The following CNBD1 variants were observed in gnomAD, a reference collection of about 807,000 sequenced individuals.
CNBD1 encodes the protein cyclic nucleotide binding domain containing 1.
CNBD1 carries 71 observed loss-of-function variants against 54.4 expected under a neutral mutation model. That is an observed-to-expected ratio of 1.30 (90% CI 1.08 to 1.59). The LOEUF is 1.59. Ranked by LOEUF, CNBD1 falls within the 40% of genes most tolerant of loss-of-function variation. The pLI is 0.00. For synonymous variants in CNBD1, 182 were observed against 170.7 expected (o/e 1.07, Z -0.51); for missense variants, 659 against 518.0 (o/e 1.27, Z -2.64).
chr8:86,878,688 C>A (rs1266327254), intron 1 of CNBD1, among the ~76,000 whole-genome samples: 1 of 152,282 alleles, frequency 6.6e-6, no homozygotes, highest in Non-Finnish European at 1.5e-5. Context: ...AACATCTTCC[C>A]ATTTCAAGTA....
intron 8 of CNBD1, among the ~76,000 whole-genome samples, chr8:87,331,558 G>A (rs1809832935): frequency 6.6e-6 from 1 of 152,066 alleles, no homozygotes; most frequent in Non-Finnish European, 1.5e-5. Context: ...AATGATTTCT[G>A]TCCCTCTGGT....
intron 4 of CNBD1, among the ~76,000 whole-genome samples, chr8:87,105,522 T>A (rs1299671689): frequency 1.3e-5 from 2 of 152,146 alleles, no homozygotes; most frequent in Non-Finnish European, 2.9e-5. Context: ...TTCACCAGGG[T>A]CTTCACAGCT....
intron 4 of CNBD1, among the ~76,000 whole-genome samples, chr8:87,108,072 C>T (rs923432955): frequency 1.3e-5 from 2 of 152,106 alleles, no homozygotes; most frequent in Non-Finnish European, 2.9e-5. Context: ...GAGGGATTCT[C>T]CTTCTCTCCA....
In CNBD1 at chr8:87,195,740, T is replaced by C. The variant is rs145857344; in HGVS notation, c.432-10253T>C. ...AGGTATGCACCACCACACCTGCTAA[T>C]TTTTGTATTGTTAGTGGCGACAGGG... On this transcript the variant is annotated intron_variant, in intron 4 of 10. Transcript: ENST00000518476. 3.9e-3 allele frequency among the ~76,000 whole-genome samples: 579 copies of C among 147,944 alleles called. 3 individuals carry two copies. Among genetic ancestry groups the C allele is most frequent in the African/African-American group, 0.014 (556 of 40,128 alleles).
At chr8:87,345,442 C>T (rs1810152733) in intron 8 of CNBD1, among the ~76,000 whole-genome samples, 1 of 152,052 alleles carries the variant, frequency 6.6e-6, no homozygotes, top group African/African-American at 2.4e-5. Context: ...GCCAGAAGTC[C>T]CCCAAGTATC....
intron 6 of CNBD1, among the ~76,000 whole-genome samples, chr8:87,275,739 A>G (rs575784342): frequency 2.5e-4 from 38 of 151,764 alleles, no homozygotes; most frequent in African/African-American, 6.0e-4. Context: ...TAGGCAGGAG[A>G]AGGAAATAAA....
At chr8:87,173,139 A>G (rs1404446875) in intron 4 of CNBD1, among the ~76,000 whole-genome samples, 1 of 152,178 alleles carries the variant, frequency 6.6e-6, no homozygotes, top group East Asian at 1.9e-4. Context: ...AAACATACAA[A>G]TTAACTATGA....
intron 6 of CNBD1, among the ~76,000 whole-genome samples, chr8:87,275,822 C>T (rs530148137): frequency 1.3e-3 from 201 of 151,644 alleles, no homozygotes; most frequent in South Asian, 0.01. Flanking sequence ...ATCTAGAAAA[C>T]CCCATTGTCT....
chr8:86,934,007 A>T (rs893497384), intron 3 of CNBD1, among the ~76,000 whole-genome samples: 3 of 152,160 alleles, frequency 2.0e-5, no homozygotes, highest in Admixed American at 2.0e-4. Flanking sequence ...ACTTGATAGG[A>T]TAAAAACATT....
intron 8 of CNBD1, among the ~76,000 whole-genome samples, chr8:87,294,540 A>C (rs1298401185): frequency 6.6e-6 from 1 of 152,186 alleles, no homozygotes; most frequent in Non-Finnish European, 1.5e-5. Context: ...TTGTGAGTGC[A>C]GGCCACTATT....
In CNBD1 at chr8:86,943,365, C is replaced by CAAA. The variant is rs1158061860; in HGVS notation, c.431+3634_431+3636dup. ...CTGGTGACAGAGCAAGACTCCATCT[C>CAAA]AAAAAAAAAAAAAAAAAAAAAAAAA... On this transcript the variant is annotated intron_variant, in intron 4 of 10. Coordinates refer to ENST00000518476, the MANE Select transcript of CNBD1 (RefSeq NM_173538.3). 8.4e-3 allele frequency among the ~76,000 whole-genome samples: 273 copies of CAAA among 32,552 alleles called. 9 individuals carry two copies. Among genetic ancestry groups the CAAA allele is most frequent in the Middle Eastern group, 0.018 (1 of 56 alleles). The allele number at this position is 32,552 out of a possible 152,430, so 21.4% of individuals were successfully genotyped here. A position where few individuals can be genotyped will look rare whatever the true frequency, so the allele number is the denominator to read the frequency against.
chr8:87,289,452 C>A (rs1327028789), intron 8 of CNBD1, among the ~76,000 whole-genome samples: 1 of 152,124 alleles, frequency 6.6e-6, no homozygotes, highest in African/African-American at 2.4e-5. Flanking sequence ...TTGAAAGCGA[C>A]AACCAGCTTA....
intron 4 of CNBD1, among the ~76,000 whole-genome samples, chr8:86,962,747 C>A (rs111653064): frequency 0.027 from 4,023 of 151,598 alleles, 189 homozygotes; most frequent in African/African-American, 0.093. Flanking sequence ...GATGGTGCCA[C>A]GACACTCCAG....
intron 4 of CNBD1, among the ~76,000 whole-genome samples, chr8:87,172,779 T>C (rs909927327): frequency 1.3e-5 from 2 of 152,130 alleles, no homozygotes; most frequent in Non-Finnish European, 2.9e-5. Flanking sequence ...AATTGAAGTG[T>C]GTTTCTTGTA....
intron 4 of CNBD1, among the ~76,000 whole-genome samples, chr8:87,064,570 T>C (rs968693708): frequency 1.3e-5 from 2 of 151,926 alleles, no homozygotes; most frequent in African/African-American, 2.4e-5. Context: ...AAGTCAATAT[T>C]ACATTTTTTT....
chr8:87,289,334 C>A (rs557157512), intron 8 of CNBD1, among the ~76,000 whole-genome samples: 2 of 152,166 alleles, frequency 1.3e-5, no homozygotes, highest in Non-Finnish European at 2.9e-5. Context: ...GCCAAGGGAA[C>A]CTTATTATAA....
intron 8 of CNBD1, among the ~76,000 whole-genome samples, chr8:87,299,336 A>T (rs371649342): frequency 6.6e-6 from 1 of 152,032 alleles, no homozygotes; most frequent in Non-Finnish European, 1.5e-5. Context: ...TTAGATCACA[A>T]TGCGGTTTGT....
intron 8 of CNBD1, among the ~76,000 whole-genome samples, chr8:87,305,638 G>T (rs751308951): frequency 6.6e-6 from 1 of 151,934 alleles, no homozygotes. Context: ...CAAAGCAAAC[G>T]AAAACATAAA....
At chr8:87,394,414 C>T (rs1811372756) in intron 2 of CNBD1, among the ~76,000 whole-genome samples, 2 of 151,926 alleles carry the variant, frequency 1.3e-5, no homozygotes, top group South Asian at 4.1e-4. Flanking sequence ...ACCAACTTAT[C>T]CTGACACTTT....
Sources: allele counts gnomAD v4.1 joint callset (sites outside exome capture counted in the v4.1 genomes callset), GRCh38; gene constraint gnomAD v4.1.1; transcripts MANE v1.5; gene names NCBI Gene and HGNC (gene_info 2026-07-23, HGNC 2026-07-21).